Variants in CLCN1 observed in about 807,000 individuals in gnomAD.
CLCN1 encodes chloride channel protein 1.
CLCN1 carries 100 observed loss-of-function variants against 114.5 expected under a neutral mutation model. The ratio of observed to expected loss-of-function variants is 0.87; its 90% CI spans 0.74 to 1.03. CLCN1 has a LOEUF of 1.03. Ranked by LOEUF, CLCN1 falls within the 50% of genes least tolerant of loss-of-function variation. CLCN1 has a pLI of 0.00. For synonymous variants in CLCN1, 485 were observed against 487.1 expected, an observed-to-expected ratio of 1.00 and a Z score of 0.06; for missense variants, 1,188 against 1,250.0, an observed-to-expected ratio of 0.95 and a Z score of 0.75.
chr7:143,318,737 C>T (rs989815336), intron 1 of CLCN1, among the ~76,000 whole-genome samples: 7 of 152,188 alleles, frequency 4.6e-5, no homozygotes, highest in Non-Finnish European at 1.0e-4. Context: ...CTGAGACAGC[C>T]TCAGCTGTCT....
chr7:143,331,739 A>T, intron 10 of CLCN1, 87 bp downstream of exon 10: 5 of 915,022 alleles, frequency 5.5e-6, no homozygotes, highest in Non-Finnish European at 9.1e-6. Flanking sequence ...GGAAGGCATT[A>T]AATGCCTCTG....
At chr7:143,323,125 A>G (rs551259111) in intron 5 of CLCN1, among the ~76,000 whole-genome samples, 184 bp from the exon 6 acceptor site, 1 of 152,068 alleles carries the variant, frequency 6.6e-6, no homozygotes, top group East Asian at 1.9e-4. Flanking sequence ...GAGAGGAGAA[A>G]CACACTGGTT....
rs139881658 is a variant in CLCN1, at chr7:143,350,405, C to T, written c.2437C>T (p.Pro813Ser). The T allele has an allele frequency of 1.2e-6, 2 of 1,614,150 alleles. No individual in the cohort carries two copies. The highest frequency in any genetic ancestry group is 1.7e-5 in the Admixed American group (1 of 60,024). ...EAWEQEQLSQ[P>S]VCFDSCCIDQ... is the part of the protein sequence containing the mutation. The stretch of plus-strand genomic sequence containing the variant: ...CTGGGAGCAGGAGCAGCTGAGCCAG[C>T]CTGTCTGTTTTGATTCCTGCTGTAT... The change falls in exon 21 of 23, where the codon CCT (proline) becomes TCT (serine). Residue 813 changes from proline to serine, a missense_variant. Coordinates refer to ENST00000343257, the MANE Select transcript of CLCN1 (RefSeq NM_000083.3). This position sits in a 1 kb window ranked among gnomAD's most constrained non-coding sequence, Gnocchi z 5.1.
rs371353449 is a variant in CLCN1, at chr7:143,338,476, T to A, written c.1402-777T>A. 1.2e-4 allele frequency among the ~76,000 whole-genome samples: 18 copies of A among 152,202 alleles called. No individual in the cohort carries two copies. In the South Asian group the frequency reaches 3.1e-3, roughly 26 times the overall value. ...CACAATAAGTCACTCAGACTTTAAA[T>A]GTCTGACACTTAGAACTGGAGCTCC... On this transcript the variant is annotated intron_variant, in intron 12 of 22. Transcript: ENST00000343257.
At chr7:143,319,617 A>G in intron 1 of CLCN1, 138 bp from the exon 2 acceptor site, 1 of 873,174 alleles carries the variant, frequency 1.1e-6, no homozygotes, top group African/African-American at 1.6e-5. Flanking sequence ...GATGACCACA[A>G]AGTCACCCTG....
At chr7:143,336,243 G>T (rs1802884969) in intron 12 of CLCN1, among the ~76,000 whole-genome samples, 1 of 151,608 alleles carries the variant, frequency 6.6e-6, no homozygotes, top group Admixed American at 6.6e-5. Flanking sequence ...TCTAAATATG[G>T]TGGAAACCCA....
rs1355471301 is a variant in CLCN1, at chr7:143,316,138, G to A, written c.-75G>A. On this transcript the variant is annotated 5_prime_UTR_variant, in exon 1 of 23. Transcript: ENST00000343257. Reference sequence around the variant, plus strand: ...ACGCCTTGGGGACAGCAAGAGCAGAGGCTTAAGGAGCTACACTGGGGGAAG... The same window carrying A: ...ACGCCTTGGGGACAGCAAGAGCAGAAGCTTAAGGAGCTACACTGGGGGAAG... 5.6e-6 allele frequency: 7 copies of A among 1,244,184 alleles called. No individual in the cohort carries two copies. Among genetic ancestry groups the A allele is most frequent in the Admixed American group, 1.7e-5 (1 of 59,096 alleles). The allele number at this position is 1,244,184 out of a possible 1,614,324, so 77.1% of individuals were successfully genotyped here.
At chr7:143,346,515 G>T (rs1038334545) in intron 18 of CLCN1, 64 bp from the exon 19 acceptor site, 3 of 1,316,990 alleles carry the variant, frequency 2.3e-6, no homozygotes, top group African/African-American at 2.9e-5. Flanking sequence ...TAGGCACTGG[G>T]TGGGGCCCCT....
At chr7:143,327,363 G>A (rs1408577891) in intron 7 of CLCN1, among the ~76,000 whole-genome samples, 1 of 152,174 alleles carries the variant, frequency 6.6e-6, no homozygotes, top group East Asian at 1.9e-4. Flanking sequence ...CGTGGGCATG[G>A]GATTTGTAGT....
rs1328309025 is a variant in CLCN1 at position 143,345,643 on chromosome 7, C to T, written c.2053C>T (p.Pro685Ser). ...GATGGCGCGGAAGTTGTCGGAGCTG[C>T]CTTACGACGGGAAGGCGCGGCTGGC... ...QEMARKLSEL[P>S]YDGKARLAGE... The change falls in exon 17 of 23, where the codon CCT becomes TCT. Residue 685 changes from proline to serine, a missense_variant. Coordinates refer to ENST00000343257, the MANE Select transcript of CLCN1 (RefSeq NM_000083.3). The T allele has an allele frequency of 6.4e-7, 1 of 1,565,740 alleles. No individual in the cohort carries two copies. The highest frequency in any genetic ancestry group is 1.2e-5 in the South Asian group (1 of 85,220).
At chr7:143,318,741 G>A (rs920180186) in intron 1 of CLCN1, among the ~76,000 whole-genome samples, 3 of 152,138 alleles carry the variant, frequency 2.0e-5, no homozygotes, top group Admixed American at 6.5e-5. Context: ...GACAGCCTCA[G>A]CTGTCTGACT....
Position 143,319,877 on chromosome 7 carries a change from T to G in CLCN1, c.301+2T>G. The G allele has an allele frequency of 6.2e-7, 1 of 1,613,640 alleles. No homozygotes were observed. The highest frequency in any genetic ancestry group is 8.5e-7 in the Non-Finnish European group (1 of 1,179,676). On this transcript the variant is annotated splice_donor_variant, in intron 2 of 22. Coordinates refer to ENST00000343257, the MANE Select transcript of CLCN1 (RefSeq NM_000083.3). LOFTEE classifies it high-confidence loss of function. ...AGGATCACTATTCTAAATGTCAAGG[T>G]GATGGGGACTGAGGAATAAAGAAAT...
chr7:143,339,197 G>A lies in CLCN1; in HGVS notation c.1402-56G>A. 9.1e-7 allele frequency: 1 copy of A among 1,094,280 alleles called. No individual in the cohort carries two copies. Among genetic ancestry groups the A allele is most frequent in the Non-Finnish European group, 1.4e-6 (1 of 705,546 alleles). 67.8% of individuals were successfully genotyped at this position (1,094,280 alleles called of 1,614,324 possible). ...GAGGATAGTGGGAAGGGAATTGTGTGTGCATGTCTATTGGGCAGAGTTGAA... is the reference window on the plus strand; with the variant it reads ...GAGGATAGTGGGAAGGGAATTGTGTATGCATGTCTATTGGGCAGAGTTGAA... On this transcript the variant is annotated intron_variant, in intron 12 of 22. Coordinates refer to ENST00000343257, the MANE Select transcript of CLCN1 (RefSeq NM_000083.3). The surrounding 1 kb of genome is among the most constrained non-coding windows in gnomAD (Gnocchi z 4.1).
At position 143,338,615 on chromosome 7, in the gene CLCN1, G is replaced by A. The variant is rs375922153; in HGVS notation, c.1402-638G>A. ...AGCCGGGGCAACATGGCAAAACCCC[G>A]TCTCTACTAAAAATACAAAAAATTA... On this transcript the variant is annotated intron_variant, in intron 12 of 22. Coordinates refer to ENST00000343257, the MANE Select transcript of CLCN1 (RefSeq NM_000083.3). Among the ~76,000 whole-genome samples the A allele has an allele frequency of 1.3e-4, 19 of 151,966 alleles. No homozygotes were observed. In the South Asian group the frequency reaches 2.7e-3, roughly 22 times the overall value.
Position 143,339,840 on chromosome 7 carries a change from A to C in CLCN1, c.1582+219A>C, listed in dbSNP as rs1251971107. Among the ~76,000 whole-genome samples, 1 of 152,212 alleles carries C rather than the reference A, an allele frequency of 6.6e-6. No homozygotes were observed. The highest frequency in any genetic ancestry group is 1.5e-5 in the Non-Finnish European group (1 of 68,036). On this transcript the variant is annotated intron_variant, in intron 14 of 22. Coordinates refer to ENST00000343257, the MANE Select transcript of CLCN1 (RefSeq NM_000083.3). The surrounding 1 kb of genome is among the most constrained non-coding windows in gnomAD (Gnocchi z 4.1). ...TAGTTTCCTCATGTAGAAAAGGATC[A>C]TAGGGATCAAATGAGATCATAAGAT...
In CLCN1 at chr7:143,331,595, GC is replaced by G. The variant is rs1295805735; in HGVS notation, c.1111del (p.Gln371LysfsTer48). 1 of 1,613,936 alleles carries G rather than the reference GC, an allele frequency of 6.2e-7. No individual in the cohort carries two copies. Among genetic ancestry groups the G allele is most frequent in the Non-Finnish European group, 8.5e-7 (1 of 1,179,972 alleles). ...GGAGCTGTATTTGTGTATCTGCATC[GC>G]CAAGTCATGCTCGGTGTCCGAAAGC... ...LLGAVFVYLH[R>X]QVMLGVRKHK... On this transcript the variant is annotated frameshift_variant, in exon 10 of 23. Transcript: ENST00000343257. LOFTEE classifies it high-confidence loss of function.
rs1347251164 is a variant in CLCN1 at position 143,320,799 on chromosome 7, G to T, written c.433+4G>T. On this transcript the variant is annotated splice_donor_region_variant and intron_variant, in intron 3 of 22. Coordinates refer to ENST00000343257, the MANE Select transcript of CLCN1 (RefSeq NM_000083.3). ...GTCAGTGCCAAAAGCCTTCAGGGTA[G>T]GTTTAACCTGGACCTTTGCCCACAG... The T allele has an allele frequency of 3.1e-5, 50 of 1,613,882 alleles. No individual in the cohort carries two copies. The highest frequency in any genetic ancestry group is 4.0e-5 in the Non-Finnish European group (47 of 1,179,976).
chr7:143,318,271 G>A (rs576856975), intron 1 of CLCN1, among the ~76,000 whole-genome samples: 1 of 152,158 alleles, frequency 6.6e-6, no homozygotes, highest in South Asian at 2.1e-4. Flanking sequence ...TGCCCAGGCT[G>A]GAATGCAATG....
At position 143,341,983 on chromosome 7, in the gene CLCN1, GC is replaced by G; in HGVS notation, c.1638del (p.Phe547SerfsTer3). On this transcript the variant is annotated frameshift_variant, in exon 15 of 23. Coordinates refer to ENST00000343257, the MANE Select transcript of CLCN1 (RefSeq NM_000083.3). LOFTEE classifies it high-confidence loss of function. ...VSHTVSTAVI[C>X]FELTGQIAHI... ...CACACAGTCTCCACAGCTGTGATTT[GC>G]TTCGAATTAACGGGTCAGATTGCTC... 6.2e-7 allele frequency: 1 copy of G among 1,614,220 alleles called. No homozygotes were observed. The highest frequency in any genetic ancestry group is 8.5e-7 in the Non-Finnish European group (1 of 1,180,052).
Sources: gnomAD v4.1 joint callset for allele counts (sites outside exome capture counted in the v4.1 genomes callset) on GRCh38, gnomAD v4.1.1 for gene constraint, Gnocchi (gnomAD v3.1) non-coding constraint, MANE v1.5 for transcripts, NCBI Gene and HGNC (gene_info 2026-07-23, HGNC 2026-07-21) for gene names.